The following CSNK1G1 variants were observed in gnomAD, a reference collection of about 807,000 sequenced individuals.
The protein encoded by CSNK1G1 is casein kinase 1 gamma 1.
In CSNK1G1, 22 loss-of-function variants were observed where a neutral mutation model predicts 59.6. That is an observed-to-expected ratio of 0.37 (90% CI 0.26 to 0.53). The LOEUF (loss-of-function observed/expected upper bound fraction) is 0.53, where lower values mean the gene tolerates loss of function less well. CSNK1G1 is among the 20% of genes least tolerant of loss of function. The pLI is 0.89. For missense variants in CSNK1G1, 384 were observed against 519.5 expected, an observed-to-expected ratio of 0.74 and a Z score of 2.54; for synonymous variants, 179 against 177.1, an observed-to-expected ratio of 1.01 and a Z score of -0.08.
chr15:64,250,760 A>C lies in CSNK1G1; in HGVS notation c.292+752T>G, dbSNP rs528319223. Among the ~76,000 whole-genome samples the C allele has an allele frequency of 5.6e-5, 8 of 142,990 alleles. No individual in the cohort carries two copies. The South Asian group carries it at 1.7e-3, about 31-fold the overall frequency. The allele number at this position is 142,990 out of a possible 152,430, so 93.8% of individuals were successfully genotyped here. On this transcript the variant is annotated intron_variant, in intron 4 of 11. Transcript: ENST00000303052. The stretch of plus-strand genomic sequence containing the variant: ...GACCCTGTCTCCAAAACAAGAAAGA[A>C]AGAAAGAAAAAAAAAATAGAAACCA...
chr15:64,284,876 TA>T (rs1420223874), intron 2 of CSNK1G1, among the ~76,000 whole-genome samples: 1 of 152,098 alleles, frequency 6.6e-6, no homozygotes, highest in Admixed American at 6.5e-5. Context: ...TTTCAGCAAA[TA>T]TAATTTATAA....
At chr15:64,182,087 A>T (rs1335534749) in intron 10 of CSNK1G1, among the ~76,000 whole-genome samples, 2 of 98,810 alleles carry the variant, frequency 2.0e-5, no homozygotes, top group Non-Finnish European at 3.5e-5. Context: ...TTTGAGAGAG[A>T]GAGTCTTGCT....
At chr15:64,267,801 T>C (rs1239526702) in intron 2 of CSNK1G1, among the ~76,000 whole-genome samples, 1 of 151,828 alleles carries the variant, frequency 6.6e-6, no homozygotes, top group Non-Finnish European at 1.5e-5. Context: ...CACTACTGGG[T>C]ATATATTCAA....
At chr15:64,235,746 T>C (rs922517376) in intron 4 of CSNK1G1, among the ~76,000 whole-genome samples, 7 of 152,198 alleles carry the variant, frequency 4.6e-5, no homozygotes, top group Non-Finnish European at 8.8e-5. Context: ...TTGGCAATGA[T>C]TGTGCAACTC....
chr15:64,271,528 A>G (rs1016913342), intron 2 of CSNK1G1, among the ~76,000 whole-genome samples: 1 of 152,124 alleles, frequency 6.6e-6, no homozygotes, highest in Admixed American at 6.5e-5. Flanking sequence ...AGCTCAAGCA[A>G]TCAGCCCACC....
intron 10 of CSNK1G1, among the ~76,000 whole-genome samples, chr15:64,194,770 T>C (rs2082018900): frequency 6.6e-6 from 1 of 152,092 alleles, no homozygotes; most frequent in Non-Finnish European, 1.5e-5. Context: ...CCGCCTTAGC[T>C]TCCCAAAGTG....
chr15:64,235,456 T>A (rs1233961338), intron 4 of CSNK1G1, among the ~76,000 whole-genome samples: 1 of 152,200 alleles, frequency 6.6e-6, no homozygotes, highest in Non-Finnish European at 1.5e-5. Context: ...AGCCCCAAAG[T>A]GGGTGTCTGA....
chr15:64,277,442 G>A (rs1036849245), intron 2 of CSNK1G1, among the ~76,000 whole-genome samples: 3 of 151,572 alleles, frequency 2.0e-5, no homozygotes, highest in Non-Finnish European at 2.9e-5. Context: ...TCCAGCCTGG[G>A]CAACAGAGTG....
chr15:64,268,422 T>C (rs556512574), intron 2 of CSNK1G1, among the ~76,000 whole-genome samples: 1 of 152,292 alleles, frequency 6.6e-6, no homozygotes, highest in African/African-American at 2.4e-5. Context: ...AGAATGACTA[T>C]AGCTAACAAA....
intron 4 of CSNK1G1, among the ~76,000 whole-genome samples, chr15:64,245,020 G>A (rs1027908739): frequency 6.6e-6 from 1 of 151,990 alleles, no homozygotes; most frequent in African/African-American, 2.4e-5. Context: ...AAGGTGCCAA[G>A]AACATTCAGT....
intron 1 of CSNK1G1, among the ~76,000 whole-genome samples, chr15:64,353,646 CAAAAA>C (rs11301406): frequency 2.6e-5 from 3 of 113,392 alleles, no homozygotes; most frequent in Admixed American, 1.9e-4. Context: ...GACTCCATTT[CAAAAA>C]AAAAAAAAAA....
intron 2 of CSNK1G1, among the ~76,000 whole-genome samples, chr15:64,269,112 T>C (rs768978716): frequency 6.6e-6 from 1 of 152,222 alleles, no homozygotes; most frequent in Non-Finnish European, 1.5e-5. Context: ...CTGTCTTAAA[T>C]GTATGTATAG....
chr15:64,180,601 T>C (rs1055528978), intron 10 of CSNK1G1, 147 bp from the exon 11 acceptor site: 4 of 647,058 alleles, frequency 6.2e-6, no homozygotes, highest in Non-Finnish European at 1.1e-5. Context: ...CCCAGGCCCA[T>C]ATCATGCGAG....
Position 64,166,116 on chromosome 15 carries a change from CAAT to C in CSNK1G1, c.*5812_*5814del, listed in dbSNP as rs2081600381. On this transcript the variant is annotated 3_prime_UTR_variant, in exon 12 of 12. Coordinates refer to ENST00000303052, the MANE Select transcript of CSNK1G1 (RefSeq NM_022048.5). This position sits in a 1 kb window ranked among gnomAD's most constrained non-coding sequence, Gnocchi z 4.5. ...AAAAAGTAAAAAAAGAGGCATTTAA[CAAT>C]AATCAGACACATCCACACATTAAAA... is the stretch of plus-strand genomic sequence containing the variant. 1.7e-6 allele frequency: 1 copy of C among 592,238 alleles called. No homozygotes were observed. 36.7% of individuals were successfully genotyped at this position (592,238 alleles called of 1,614,324 possible). A position where few individuals can be genotyped will look rare whatever the true frequency, so the allele number is the denominator to read the frequency against.
intron 1 of CSNK1G1, among the ~76,000 whole-genome samples, chr15:64,346,056 T>TG (rs145206102): frequency 0.86 from 130,153 of 151,796 alleles, 56,846 homozygotes; most frequent in East Asian, 0.96. Context: ...ACCAAAGTGC[T>TG]GAGTGTGAGC....
intron 2 of CSNK1G1, among the ~76,000 whole-genome samples, chr15:64,268,898 T>C (rs55881572): frequency 0.044 from 6,718 of 152,244 alleles, 196 homozygotes; most frequent in South Asian, 0.084. Context: ...ATGGTAATCA[T>C]ACATATGCAA....
chr15:64,260,223 C>T (rs1202427155), intron 2 of CSNK1G1, among the ~76,000 whole-genome samples: 2 of 152,094 alleles, frequency 1.3e-5, no homozygotes, highest in Admixed American at 6.6e-5. Flanking sequence ...TTCTCAATAC[C>T]CTATGGTGCT....
intron 10 of CSNK1G1, among the ~76,000 whole-genome samples, chr15:64,183,439 G>A (rs995060681): frequency 3.9e-5 from 6 of 152,162 alleles, no homozygotes; most frequent in South Asian, 4.1e-4. Flanking sequence ...CACAGCATCC[G>A]TTTAATTATT....
At position 64,199,267 on chromosome 15, in the gene CSNK1G1, AAAAAAG is replaced by A. The variant is rs1458266334; in HGVS notation, c.1107+3809_1107+3814del. Reference sequence around the variant, plus strand: ...TCTTTTCTCAAAAAAAAAAAAAAAAAAAAAAGAAAAAGAAAAGAAAAAGAGAAAAAA... The same window carrying A: ...TCTTTTCTCAAAAAAAAAAAAAAAAAAAAAAGAAAAGAAAAAGAGAAAAAA... On this transcript the variant is annotated intron_variant, in intron 10 of 11. Transcript: ENST00000303052. Among the ~76,000 whole-genome samples the A allele has an allele frequency of 8.4e-4, 123 of 146,896 alleles. 2 individuals carry two copies. The Middle Eastern group carries it at 0.011, about 13-fold the overall frequency.
Sources: gnomAD v4.1 joint callset for allele counts (sites outside exome capture counted in the v4.1 genomes callset) on GRCh38, gnomAD v4.1.1 for gene constraint, Gnocchi (gnomAD v3.1) non-coding constraint, MANE v1.5 for transcripts, NCBI Gene and HGNC (gene_info 2026-07-23, HGNC 2026-07-21) for gene names.